Variants in VPS53 observed in about 807,000 individuals in gnomAD.
VPS53 encodes the protein vacuolar protein sorting-associated protein 53 homolog.
VPS53 carries 70 observed loss-of-function variants against 107.0 expected under a neutral mutation model. The ratio of observed to expected loss-of-function variants is 0.65; its 90% confidence interval spans 0.54 to 0.80. VPS53 has a LOEUF of 0.80. Ranked by LOEUF, VPS53 falls within the 30% of genes least tolerant of loss-of-function variation. The pLI, the probability that VPS53 is intolerant of heterozygous loss-of-function variation, is 0.00. For missense variants in VPS53, 917 were observed against 1,049.4 expected (o/e 0.87, Z 1.74); for synonymous variants, 409 against 393.3 (o/e 1.04, Z -0.47).
intron 13 of VPS53, among the ~76,000 whole-genome samples, chr17:564,409 G>A (rs990957767): frequency 5.3e-5 from 8 of 152,070 alleles, no homozygotes; most frequent in Non-Finnish European, 8.8e-5. Context: ...GCATGATGGC[G>A]GGTGCCCGTA....
rs1051818395 is a variant in VPS53 at position 514,971 on chromosome 17, T to C, written c.*4157A>G. On this transcript the variant is annotated 3_prime_UTR_variant, in exon 22 of 22. Transcript: ENST00000437048. ...TTGTCCATTGCGGCTCCTGTTTCAT[T>C]GTTAAGAGTCCACACAGGATGTTCT... 6.6e-5 allele frequency: 10 copies of C among 152,150 alleles called. No homozygotes were observed. The highest frequency in any genetic ancestry group is 6.5e-4 in the Admixed American group (10 of 15,278). The allele number at this position is 152,150 out of a possible 1,614,324, so 9.4% of individuals were successfully genotyped here. A position where few individuals can be genotyped will look rare whatever the true frequency, so the allele number is the denominator to read the frequency against.
At chr17:583,581 C>A (rs12938449) in intron 13 of VPS53, among the ~76,000 whole-genome samples, 22,279 of 148,798 alleles carry the variant, frequency 0.15, 1,952 homozygotes, top group South Asian at 0.24. Context: ...GAACCTAATG[C>A]ATTCCCAGAT....
chr17:546,813 T>A lies in VPS53; in HGVS notation c.1866+5059A>T, dbSNP rs1406347572. On this transcript the variant is annotated intron_variant, in intron 17 of 21. Transcript: ENST00000437048. ...AACAGTGTGGCACTTTCTCAAAATGTTAAACATAAATTGACCATACGGCTC... is the reference window on the plus strand; with the variant it reads ...AACAGTGTGGCACTTTCTCAAAATGATAAACATAAATTGACCATACGGCTC... Among the ~76,000 whole-genome samples, 3 of 152,090 alleles carry A rather than the reference T, an allele frequency of 2.0e-5. No homozygotes were observed. The East Asian group carries it at 5.8e-4, about 29-fold the overall frequency.
chr17:634,096 C>A lies in VPS53; in HGVS notation c.609-2468G>T, dbSNP rs188086922. 4.6e-3 allele frequency among the ~76,000 whole-genome samples: 695 copies of A among 152,318 alleles called. 8 individuals carry two copies. The highest frequency in any genetic ancestry group is 0.016 in the African/African-American group (678 of 41,566). On this transcript the variant is annotated intron_variant, in intron 7 of 21. Transcript: ENST00000437048. ...ACAGTCACATTCTCAGGACTACTGG[C>A]CATCTCAATGACACTGGTGGGCCCG...
Position 519,113 on chromosome 17 carries a change from G to A in VPS53, c.*15C>T, listed in dbSNP as rs1908522639. On this transcript the variant is annotated 3_prime_UTR_variant, in exon 22 of 22. Coordinates refer to ENST00000437048, the MANE Select transcript of VPS53 (RefSeq NM_001128159.3). The surrounding 1 kb of genome is among the most constrained non-coding windows in gnomAD (Gnocchi z 5.0). ...TGAGGGTCTCCAGCCAGGAGCAAAGGGCCCCTTGCTGCTGCTACAGTCTCT... is the reference window on the plus strand; with the variant it reads ...TGAGGGTCTCCAGCCAGGAGCAAAGAGCCCCTTGCTGCTGCTACAGTCTCT... 6.7e-7 allele frequency: 1 copy of A among 1,488,136 alleles called. No homozygotes were observed. Among genetic ancestry groups the A allele is most frequent in the African/African-American group, 1.4e-5 (1 of 70,850 alleles). 92.2% of individuals were successfully genotyped at this position (1,488,136 alleles called of 1,614,324 possible).
Position 631,675 on chromosome 17 carries a change from G to A in VPS53, c.609-47C>T, listed in dbSNP as rs375218573. 3 of 1,563,518 alleles carry A rather than the reference G, an allele frequency of 1.9e-6. No individual in the cohort carries two copies. The African/African-American group carries it at 4.1e-5, about 21-fold the overall frequency. On this transcript the variant is annotated intron_variant, in intron 7 of 21. Coordinates refer to ENST00000437048, the MANE Select transcript of VPS53 (RefSeq NM_001128159.3). ...TCATCACCTGGCATCATATCCTTAT[G>A]TAACTACACACCGATCCACAGGGTC...
chr17:524,025 G>A lies in VPS53; in HGVS notation c.2086-2287C>T, dbSNP rs1908940971. ...AAACTTTAAGAAGAAAATACAGGGCGCAGTGGCTCATGCCTGTAATCCCAG... is the reference window on the plus strand; with the variant it reads ...AAACTTTAAGAAGAAAATACAGGGCACAGTGGCTCATGCCTGTAATCCCAG... On this transcript the variant is annotated intron_variant, in intron 19 of 21. Coordinates refer to ENST00000437048, the MANE Select transcript of VPS53 (RefSeq NM_001128159.3). This position sits in a 1 kb window ranked among gnomAD's most constrained non-coding sequence, Gnocchi z 4.5. Among the ~76,000 whole-genome samples the A allele has an allele frequency of 1.3e-5, 2 of 152,168 alleles. No individual in the cohort carries two copies. Among genetic ancestry groups the A allele is most frequent in the South Asian group, 2.1e-4 (1 of 4,826 alleles).
chr17:601,227 G>A (rs1466448069), intron 12 of VPS53: 2 of 152,224 alleles, frequency 1.3e-5, no homozygotes, highest in Non-Finnish European at 2.9e-5. Context: ...ACACCATTCT[G>A]TAGGATGAAG....
chr17:637,458 G>A (rs1275532025), intron 7 of VPS53, among the ~76,000 whole-genome samples: 2 of 151,886 alleles, frequency 1.3e-5, no homozygotes, highest in Admixed American at 6.6e-5. Context: ...TGACTTCTGC[G>A]AGCTTTTGAA....
intron 12 of VPS53, among the ~76,000 whole-genome samples, chr17:592,360 T>C (rs920472175): frequency 7.2e-5 from 11 of 152,216 alleles, no homozygotes; most frequent in Non-Finnish European, 8.8e-5. Flanking sequence ...CCAGTCTGTG[T>C]CTTTTAATTG....
chr17:527,251 T>G (rs1334005655), intron 19 of VPS53, among the ~76,000 whole-genome samples: 1 of 151,874 alleles, frequency 6.6e-6, no homozygotes, highest in Non-Finnish European at 1.5e-5. Context: ...TGTAGCTAGT[T>G]GCCTGCTCAT....
At chr17:528,476 A>G (rs555745794) in intron 19 of VPS53, among the ~76,000 whole-genome samples, 104 of 151,706 alleles carry the variant, frequency 6.9e-4, no homozygotes, top group Non-Finnish European at 1.3e-3. Flanking sequence ...GATAGACCAC[A>G]TTTTGTTTAT....
intron 13 of VPS53, among the ~76,000 whole-genome samples, chr17:566,409 T>A (rs1462638081): frequency 6.6e-6 from 1 of 152,192 alleles, no homozygotes; most frequent in Non-Finnish European, 1.5e-5. Context: ...GTTTCGTGCC[T>A]GTTAACACAA....
chr17:695,898 A>G (rs963432756), intron 4 of VPS53, among the ~76,000 whole-genome samples: 1 of 152,192 alleles, frequency 6.6e-6, no homozygotes, highest in Non-Finnish European at 1.5e-5. Flanking sequence ...CTGAAGAGGT[A>G]GACAATACGA....
intron 13 of VPS53, among the ~76,000 whole-genome samples, chr17:584,309 G>A (rs895441119): frequency 1.3e-5 from 2 of 152,186 alleles, no homozygotes; most frequent in Admixed American, 1.3e-4. Context: ...TGCGGACAAG[G>A]ACGCAGGGAT....
intron 12 of VPS53, among the ~76,000 whole-genome samples, chr17:599,366 G>A (rs369664835): frequency 2.0e-5 from 3 of 152,140 alleles, no homozygotes; most frequent in East Asian, 1.9e-4. Context: ...TCTGTGTAGA[G>A]AGAAGTAGAC....
intron 4 of VPS53, among the ~76,000 whole-genome samples, chr17:680,822 T>C (rs1420532426): frequency 6.6e-6 from 1 of 152,218 alleles, no homozygotes; most frequent in Non-Finnish European, 1.5e-5. Context: ...AAAGTGCCTG[T>C]CATTAAAATC....
chr17:539,658 C>T (rs1413129403), intron 17 of VPS53, among the ~76,000 whole-genome samples: 1 of 152,152 alleles, frequency 6.6e-6, no homozygotes, highest in Non-Finnish European at 1.5e-5. Flanking sequence ...GTGATTGTAC[C>T]ACTGCACTCC....
At chr17:708,857 C>G (rs571198012) in intron 2 of VPS53, among the ~76,000 whole-genome samples, 1 of 152,304 alleles carries the variant, frequency 6.6e-6, no homozygotes, top group East Asian at 1.9e-4. Flanking sequence ...ATACAATCAT[C>G]TCTATATCCT....
Sources: gnomAD v4.1 joint callset for allele counts (sites outside exome capture counted in the v4.1 genomes callset) on GRCh38, gnomAD v4.1.1 for gene constraint, Gnocchi (gnomAD v3.1) non-coding constraint, MANE v1.5 for transcripts, NCBI Gene and HGNC (gene_info 2026-07-23, HGNC 2026-07-21) for gene names.